The following CAMTA1 variants were observed in gnomAD, a reference collection of about 807,000 sequenced individuals.
CAMTA1 encodes the protein calmodulin-binding transcription activator 1.
A neutral mutation model predicts 170.9 loss-of-function variants in CAMTA1; 27 were observed. That is an observed-to-expected ratio of 0.16 (90% CI 0.12 to 0.22). The LOEUF is 0.22. CAMTA1 is among the 10% of genes least tolerant of loss of function. The pLI is 1.00. For synonymous variants in CAMTA1, 833 were observed against 891.5 expected (o/e 0.93, Z 1.17); for missense variants, 1,619 against 2,217.2 (o/e 0.73, Z 5.42).
At chr1:7,283,414 T>C (rs1009112357) in intron 5 of CAMTA1, among the ~76,000 whole-genome samples, 1 of 152,218 alleles carries the variant, frequency 6.6e-6, no homozygotes, top group Non-Finnish European at 1.5e-5. Context: ...AGCTCATCCA[T>C]ACCTACAGCT....
At chr1:7,601,361 G>A (rs1008768254) in intron 6 of CAMTA1, among the ~76,000 whole-genome samples, 3 of 151,716 alleles carry the variant, frequency 2.0e-5, no homozygotes, top group Non-Finnish European at 2.9e-5. Context: ...GGGCAGAGGC[G>A]CTCCCCACAT....
rs377525481 is a variant in CAMTA1, at chr1:7,663,514, C to G, written c.967C>G (p.Arg323Gly). 5.6e-6 allele frequency: 9 copies of G among 1,602,864 alleles called. No individual in the cohort carries two copies. The South Asian group carries it at 8.8e-5, about 16-fold the overall frequency. ...HEHSHSKGSS[R>G]EKRNGKVAKP... ...GCACAGCCACAGCAAGGGCTCCAGC[C>G]GTGAGAAGAGGAACGGCAAGGTGGC... Residue 323 changes from arginine to glycine, a missense_variant, in exon 9 of 23, where the codon CGT (arginine) becomes GGT (glycine). By Grantham distance (125) the Arg-to-Gly change is moderately radical (BLOSUM62 -2). Transcript: ENST00000303635.
intron 6 of CAMTA1, among the ~76,000 whole-genome samples, chr1:7,490,566 C>A (rs149231245): frequency 6.6e-6 from 1 of 152,116 alleles, no homozygotes; most frequent in Non-Finnish European, 1.5e-5. Flanking sequence ...GCCGGAGAAT[C>A]GCTTGAACCC....
intron 5 of CAMTA1, among the ~76,000 whole-genome samples, chr1:7,416,119 T>C (rs1206561892): frequency 2.0e-5 from 3 of 152,196 alleles, no homozygotes; most frequent in Admixed American, 2.0e-4. Flanking sequence ...GAGTTTCTGC[T>C]GAGAGATCCG....
intron 6 of CAMTA1, among the ~76,000 whole-genome samples, chr1:7,557,133 C>T (rs2094889807): frequency 6.6e-6 from 1 of 151,914 alleles, no homozygotes; most frequent in Non-Finnish European, 1.5e-5. Flanking sequence ...CATGGCGAAA[C>T]CCGGCCTCTA....
rs546046241 is a variant in CAMTA1 at position 7,581,719 on chromosome 1, G to A, written c.511-58681G>A. ...TTCTGCTCCTCACCGGAGCTTTTGC[G>A]GTTCTGGCACTGGGAGGCTGCTAGC... On this transcript the variant is annotated intron_variant, in intron 6 of 22. Transcript: ENST00000303635. Among the ~76,000 whole-genome samples, 243 of 152,342 alleles carry A rather than the reference G, an allele frequency of 1.6e-3. 2 individuals are homozygous for A. Among genetic ancestry groups the A allele is most frequent in the African/African-American group, 5.6e-3 (231 of 41,576 alleles).
intron 3 of CAMTA1, among the ~76,000 whole-genome samples, chr1:6,992,701 A>C (rs1180713850): frequency 6.6e-6 from 1 of 152,206 alleles, no homozygotes; most frequent in Non-Finnish European, 1.5e-5. Flanking sequence ...AAGAAAGTGA[A>C]GTGGGAAGTG....
rs1170829717 is a variant in CAMTA1, at chr1:7,456,839, G to A, written c.439-10991G>A. Among the ~76,000 whole-genome samples the A allele has an allele frequency of 6.6e-6, 1 of 152,240 alleles. No homozygotes were observed. The highest frequency in any genetic ancestry group is 2.4e-5 in the African/African-American group (1 of 41,462). Reference sequence around the variant, plus strand: ...TCCTCAGAGGGTGGGAAAACAGGCAGGTGAGAGTGGCCAGGTTCCTGGACG... The same window carrying A: ...TCCTCAGAGGGTGGGAAAACAGGCAAGTGAGAGTGGCCAGGTTCCTGGACG... On this transcript the variant is annotated intron_variant, in intron 5 of 22. Transcript: ENST00000303635. The surrounding 1 kb of genome is among the most constrained non-coding windows in gnomAD (Gnocchi z 4.9).
rs539228692 is a variant in CAMTA1, at chr1:7,250,880, C to T, written c.438+1254C>T. Reference sequence around the variant, plus strand: ...TGCACAGAACATTAAAATGCAGATTCCCCCAAACACACTGCTCTGGGCGCA... The same window carrying T: ...TGCACAGAACATTAAAATGCAGATTTCCCCAAACACACTGCTCTGGGCGCA... On this transcript the variant is annotated intron_variant, in intron 5 of 22. Coordinates refer to ENST00000303635, the MANE Select transcript of CAMTA1 (RefSeq NM_015215.4). Among the ~76,000 whole-genome samples, 9 of 152,306 alleles carry T rather than the reference C, an allele frequency of 5.9e-5. No homozygotes were observed. In the South Asian group the frequency reaches 1.9e-3, roughly 32 times the overall value.
chr1:7,635,486 G>A lies in CAMTA1; in HGVS notation c.511-4914G>A, dbSNP rs1458607995. ...TAGCGGGGCACTGTGGCGGGCGCCT[G>A]TACTCCCAGCTACTCCAGAGGCTGA... On this transcript the variant is annotated intron_variant, in intron 6 of 22. Coordinates refer to ENST00000303635, the MANE Select transcript of CAMTA1 (RefSeq NM_015215.4). This position sits in a 1 kb window ranked among gnomAD's most constrained non-coding sequence, Gnocchi z 4.4. 4.6e-5 allele frequency among the ~76,000 whole-genome samples: 7 copies of A among 151,924 alleles called. No individual in the cohort carries two copies. The highest frequency in any genetic ancestry group is 1.0e-4 in the Non-Finnish European group (7 of 67,974).
At chr1:6,859,922 ACAGGTAGAAGACT>A (rs1439472323) in intron 3 of CAMTA1, among the ~76,000 whole-genome samples, 1 of 152,184 alleles carries the variant, frequency 6.6e-6, no homozygotes, top group African/African-American at 2.4e-5. Flanking sequence ...TCTCAGCCCA[ACAGGTAGAAGACT>A]CAGATCTCCT....
chr1:6,926,446 TTC>T (rs1491087194), intron 3 of CAMTA1, among the ~76,000 whole-genome samples: 100 of 55,810 alleles, frequency 1.8e-3, no homozygotes, highest in Non-Finnish European at 2.2e-3. Flanking sequence ...TTCTCTTTCT[TTC>T]TTTCTTTCTT....
intron 6 of CAMTA1, among the ~76,000 whole-genome samples, chr1:7,552,720 C>T (rs1018565563): frequency 3.9e-5 from 6 of 152,232 alleles, no homozygotes; most frequent in Non-Finnish European, 5.9e-5. Flanking sequence ...TGGAGCAGCC[C>T]GCCCAGTTCC....
intron 5 of CAMTA1, among the ~76,000 whole-genome samples, chr1:7,418,800 G>A (rs75879605): frequency 0.07 from 10,652 of 152,234 alleles, 983 homozygotes; most frequent in African/African-American, 0.22. Context: ...CATCCTGGAC[G>A]CTGCTCTCCT....
At chr1:7,021,023 G>C (rs1238224585) in intron 3 of CAMTA1, among the ~76,000 whole-genome samples, 1 of 152,264 alleles carries the variant, frequency 6.6e-6, no homozygotes. Context: ...GGTGCACCCT[G>C]CTTTTGACCA....
chr1:7,215,652 C>T (rs748069587), intron 4 of CAMTA1, among the ~76,000 whole-genome samples: 3 of 152,208 alleles, frequency 2.0e-5, no homozygotes, highest in Non-Finnish European at 2.9e-5. Context: ...CCTTGGCCCC[C>T]CAAAGTGCTG....
At chr1:7,581,889 G>A (rs989814134) in intron 6 of CAMTA1, among the ~76,000 whole-genome samples, 1 of 152,204 alleles carries the variant, frequency 6.6e-6, no homozygotes, top group South Asian at 2.1e-4. Context: ...TCACCAGAGG[G>A]CAGGAATGTG....
chr1:7,590,291 C>T (rs563278222), intron 6 of CAMTA1, among the ~76,000 whole-genome samples: 26 of 152,280 alleles, frequency 1.7e-4, no homozygotes, highest in Non-Finnish European at 2.8e-4. Context: ...GAGCCTCTTA[C>T]GTGGAAGCAG....
chr1:7,487,143 C>T (rs935294451), intron 6 of CAMTA1, among the ~76,000 whole-genome samples: 1 of 152,222 alleles, frequency 6.6e-6, no homozygotes, highest in African/African-American at 2.4e-5. Context: ...GCTGGTCTGT[C>T]TCCCATCTAT....
Sources: allele counts gnomAD v4.1 joint callset (sites outside exome capture counted in the v4.1 genomes callset), GRCh38; gene constraint gnomAD v4.1.1; non-coding constraint Gnocchi (gnomAD v3.1); transcripts MANE v1.5; gene names NCBI Gene and HGNC (gene_info 2026-07-23, HGNC 2026-07-21).